CTNNAL1: variants seen among roughly 807,000 people sequenced by gnomAD.
CTNNAL1 encodes catenin alpha like 1.
CTNNAL1 carries 69 observed loss-of-function variants against 93.6 expected under a neutral mutation model. That is an observed-to-expected ratio of 0.74 (90% CI 0.61 to 0.90). The LOEUF (loss-of-function observed/expected upper bound fraction) is 0.90, where lower values mean the gene tolerates loss of function less well. CTNNAL1 is among the 40% of genes least tolerant of loss of function. CTNNAL1 has a pLI of 0.00. For missense variants in CTNNAL1, 836 were observed against 862.0 expected (o/e 0.97, Z 0.38); for synonymous variants, 286 against 305.4 (o/e 0.94, Z 0.66).
At position 108,983,232 on chromosome 9, in the gene CTNNAL1, C is replaced by G. The variant is rs759217475; in HGVS notation, c.813G>C (p.Lys271Asn). 6.3e-7 allele frequency: 1 copy of G among 1,597,180 alleles called. No homozygotes were observed. Among genetic ancestry groups the G allele is most frequent in the African/African-American group, 1.3e-5 (1 of 74,104 alleles). Residue 271 changes from lysine (K) to asparagine (N), a missense_variant, in exon 6 of 19, where the codon AAG becomes AAC. Lys to Asn is a moderately conservative substitution (Grantham distance 94). Transcript: ENST00000325551. ...TACAGTCAGTCACAATTTCAATGAC[C>G]TTATCCAATGCCACTTTCATACGGT... Reference protein sequence around the residue: ...VFDRMKVALDKVIEIVTDCKP... With the variant: ...VFDRMKVALDNVIEIVTDCKP...
chr9:108,990,308 TG>T (rs1282607968), intron 4 of CTNNAL1, among the ~76,000 whole-genome samples: 2 of 152,182 alleles, frequency 1.3e-5, no homozygotes, highest in African/African-American at 4.8e-5. Context: ...AATAATGGCT[TG>T]GGTTATTACT....
At chr9:108,969,542 C>T (rs550134705) in intron 10 of CTNNAL1, among the ~76,000 whole-genome samples, 1 of 152,180 alleles carries the variant, frequency 6.6e-6, no homozygotes, top group Admixed American at 6.5e-5. Flanking sequence ...TTTCATTTAA[C>T]ATTGAACAGA....
At chr9:109,000,967 C>A (rs1826798717) in intron 1 of CTNNAL1, among the ~76,000 whole-genome samples, 1 of 150,238 alleles carries the variant, frequency 6.7e-6, no homozygotes, top group Admixed American at 6.6e-5. Flanking sequence ...TCAAGACCAG[C>A]CTGGCCAACA....
chr9:108,990,222 C>T lies in CTNNAL1; in HGVS notation c.639+504G>A, dbSNP rs765201881. ...ATATGTAAAACAGTAGTTAACAATA[C>T]CTACCTCATAGGGATGTTTTGAAAA... On this transcript the variant is annotated intron_variant, in intron 4 of 18. Coordinates refer to ENST00000325551, the MANE Select transcript of CTNNAL1 (RefSeq NM_003798.4). Among the ~76,000 whole-genome samples the T allele has an allele frequency of 2.0e-5, 3 of 152,184 alleles. No individual in the cohort carries two copies. The South Asian group carries it at 6.2e-4, about 32-fold the overall frequency.
intron 1 of CTNNAL1, among the ~76,000 whole-genome samples, chr9:109,007,315 C>A (rs1193382804): frequency 6.6e-6 from 1 of 152,150 alleles, no homozygotes; most frequent in African/African-American, 2.4e-5. Context: ...GCCTTATCTA[C>A]TCTCTTCATC....
chr9:108,988,107 A>G (rs144916171), intron 4 of CTNNAL1, among the ~76,000 whole-genome samples: 226 of 151,822 alleles, frequency 1.5e-3, no homozygotes, highest in Admixed American at 2.8e-3. Context: ...TCCTTTTGAG[A>G]CAGTCTCCCT....
intron 4 of CTNNAL1, among the ~76,000 whole-genome samples, chr9:108,989,169 A>T (rs1831707252): frequency 6.6e-6 from 1 of 152,216 alleles, no homozygotes; most frequent in Non-Finnish European, 1.5e-5. Flanking sequence ...ATGATGGTGA[A>T]AGTTTTTCAG....
intron 6 of CTNNAL1, among the ~76,000 whole-genome samples, chr9:108,981,048 T>C (rs1168877217): frequency 6.6e-6 from 1 of 152,238 alleles, no homozygotes; most frequent in African/African-American, 2.4e-5. Context: ...AGCCTATTTA[T>C]AACAGCTCTG....
At chr9:108,970,807 A>G (rs1382095753) in intron 9 of CTNNAL1, among the ~76,000 whole-genome samples, 1 of 152,116 alleles carries the variant, frequency 6.6e-6, no homozygotes, top group Non-Finnish European at 1.5e-5. Flanking sequence ...TTTATATATA[A>G]AGAAATTTGG....
chr9:108,988,201 A>C (rs1213703474), intron 4 of CTNNAL1, among the ~76,000 whole-genome samples: 1 of 152,208 alleles, frequency 6.6e-6, no homozygotes, highest in African/African-American at 2.4e-5. Context: ...CTTGTGCCTC[A>C]GCCTCCTGAG....
At chr9:108,991,004 T>C (rs1172087080) in intron 3 of CTNNAL1, among the ~76,000 whole-genome samples, 159 bp from the exon 4 acceptor site, 2 of 152,120 alleles carry the variant, frequency 1.3e-5, no homozygotes, top group African/African-American at 4.8e-5. Flanking sequence ...CTCAGAGAAG[T>C]AGAAGTAGAT....
chr9:108,972,864 G>GGGGGGGCCCCCCCCCCCCC, intron 8 of CTNNAL1, 31 bp from the exon 9 acceptor site: 10 of 142,432 alleles, frequency 7.0e-5, no homozygotes, highest in Admixed American at 2.0e-4. Flanking sequence ...GGGGGGGTGG[G>GGGGGGGCCCCCCCCCCCCC]AGGGTGGAGA....
In CTNNAL1 at chr9:109,001,546, TACTC is replaced by T. The variant is rs769391492; in HGVS notation, c.142-2294_142-2291del. 8.5e-5 allele frequency among the ~76,000 whole-genome samples: 13 copies of T among 152,304 alleles called. No individual in the cohort carries two copies. The East Asian group carries it at 1.9e-3, about 23-fold the overall frequency. On this transcript the variant is annotated intron_variant, in intron 1 of 18. Coordinates refer to ENST00000325551, the MANE Select transcript of CTNNAL1 (RefSeq NM_003798.4). The stretch of plus-strand genomic sequence containing the variant: ...ATAGAACACATAGTGACTTTCATCT[TACTC>T]ACTCACTCACTCTCTGCAGGATCAA...
At chr9:108,980,915 T>C (rs1053245096) in intron 6 of CTNNAL1, among the ~76,000 whole-genome samples, 1 of 152,240 alleles carries the variant, frequency 6.6e-6, no homozygotes, top group Admixed American at 6.5e-5. Context: ...TATGGTTTCA[T>C]AACATTTGTC....
At chr9:109,002,363 G>A (rs911787800) in intron 1 of CTNNAL1, among the ~76,000 whole-genome samples, 16 of 152,146 alleles carry the variant, frequency 1.1e-4, no homozygotes, top group African/African-American at 3.4e-4. Flanking sequence ...TGAGGATTAA[G>A]TTCCAACATA....
chr9:108,978,105 T>C (rs1831316197), intron 7 of CTNNAL1, among the ~76,000 whole-genome samples: 1 of 152,262 alleles, frequency 6.6e-6, no homozygotes, highest in Non-Finnish European at 1.5e-5. Context: ...TGAGTATTGA[T>C]AGAATCACAT....
intron 2 of CTNNAL1, among the ~76,000 whole-genome samples, chr9:108,997,863 T>A (rs958720130): frequency 1.3e-5 from 2 of 152,210 alleles, no homozygotes; most frequent in African/African-American, 4.8e-5. Context: ...TGGACCACTG[T>A]GACAACCTCC....
At position 109,013,425 on chromosome 9, in the gene CTNNAL1, T is replaced by G. The variant is rs1193623339; in HGVS notation, c.18A>C (p.Gly6=). Residue 6 remains glycine (G), a synonymous_variant, in exon 1 of 19, where the codon GGA becomes GGC. Transcript: ENST00000325551. ...CTCCGGCGCCGCCAACGCCGGCGGG[T>G]CCGGGAGAGGCGGCCATGGCCCTCG... MAASP[G]PAGVGGAGAV... 3.4e-6 allele frequency: 5 copies of G among 1,478,556 alleles called. No individual in the cohort carries two copies. Among genetic ancestry groups the G allele is most frequent in the Non-Finnish European group, 4.5e-6 (5 of 1,112,936 alleles). 91.6% of individuals were successfully genotyped at this position (1,478,556 alleles called of 1,614,324 possible).
intron 11 of CTNNAL1, among the ~76,000 whole-genome samples, chr9:108,958,332 T>C (rs766544897): frequency 6.6e-6 from 1 of 152,198 alleles, no homozygotes; most frequent in Non-Finnish European, 1.5e-5. Context: ...AAGTAGAATG[T>C]ATAAATAAAT....
Sources: gnomAD v4.1 joint callset for allele counts (sites outside exome capture counted in the v4.1 genomes callset) on GRCh38, gnomAD v4.1.1 for gene constraint, MANE v1.5 for transcripts, NCBI Gene and HGNC (gene_info 2026-07-23, HGNC 2026-07-21) for gene names.